The following GADL1 variants were observed in gnomAD, a reference collection of about 807,000 sequenced individuals.
GADL1 encodes GAD like acidic amino acid decarboxylase 1, also known as acidic amino acid decarboxylase GADL1.
A neutral mutation model predicts 69.5 loss-of-function variants in GADL1; 71 were observed. That is an observed-to-expected ratio of 1.02 (90% CI 0.84 to 1.25). The LOEUF is 1.25. GADL1 is among the 50% of genes most tolerant of loss of function. GADL1 has a pLI of 0.00. For missense variants in GADL1, 737 were observed against 631.8 expected (o/e 1.17, Z -1.79); for synonymous variants, 254 against 214.4 (o/e 1.18, Z -1.62).
At chr3:30,756,756 AAC>A (rs1340780331) in intron 14 of GADL1, among the ~76,000 whole-genome samples, 2 of 152,164 alleles carry the variant, frequency 1.3e-5, no homozygotes, top group African/African-American at 2.4e-5. Context: ...TTCAGCAGCA[AAC>A]ACAGCCAAGA....
At chr3:30,804,505 A>G (rs947226074) in intron 11 of GADL1, among the ~76,000 whole-genome samples, 2 of 152,190 alleles carry the variant, frequency 1.3e-5, no homozygotes, top group Non-Finnish European at 2.9e-5. Context: ...CTTGCTAGTC[A>G]GTTTGGAAAG....
At chr3:30,814,489 C>G (rs1697423389) in intron 11 of GADL1, among the ~76,000 whole-genome samples, 2 of 152,100 alleles carry the variant, frequency 1.3e-5, no homozygotes, top group African/African-American at 4.8e-5. Context: ...CTATCACAAC[C>G]ACTGAACTCT....
chr3:30,782,400 T>C (rs1696685828), intron 13 of GADL1, among the ~76,000 whole-genome samples: 1 of 152,136 alleles, frequency 6.6e-6, no homozygotes, highest in South Asian at 2.1e-4. Flanking sequence ...ATTCAAGATA[T>C]ACTTAGCGGG....
chr3:30,835,290 T>TTAGGCAATAGGTAAGTTCAGG (rs1697856033), intron 9 of GADL1, among the ~76,000 whole-genome samples: 1 of 152,046 alleles, frequency 6.6e-6, no homozygotes, highest in Non-Finnish European at 1.5e-5. Context: ...CAGAGATGCT[T>TTAGGCAATAGGTAAGTTCAGG]TAGGCAATAG....
rs540080373 is a variant in GADL1, at chr3:30,874,427, T to G, written c.38-12662A>C. ...GGGTTATTCCTCAGCTGAAACTCAC[T>G]GAGAGATGGGTTTGGAACCATCTAG... is the stretch of plus-strand genomic sequence containing the variant. On this transcript the variant is annotated intron_variant, in intron 1 of 14. Coordinates refer to ENST00000282538, the MANE Select transcript of GADL1 (RefSeq NM_207359.3). 3.9e-5 allele frequency among the ~76,000 whole-genome samples: 6 copies of G among 152,078 alleles called. No homozygotes were observed. The East Asian group carries it at 1.2e-3, about 30-fold the overall frequency.
At chr3:30,840,171 G>A (rs1349865358) in intron 8 of GADL1, among the ~76,000 whole-genome samples, 3 of 152,068 alleles carry the variant, frequency 2.0e-5, no homozygotes, top group Non-Finnish European at 4.4e-5. Flanking sequence ...TTTATAAAGT[G>A]CATGCTCATT....
chr3:30,856,445 C>A (rs1377133468), intron 3 of GADL1, among the ~76,000 whole-genome samples: 2 of 152,002 alleles, frequency 1.3e-5, no homozygotes, highest in African/African-American at 4.8e-5. Context: ...GTGAAATAAT[C>A]TCATCAAAAA....
Position 30,854,719 on chromosome 3 carries a change from G to C in GADL1, c.408C>G (p.Thr136=). Residue 136 remains threonine, a synonymous_variant, in exon 4 of 15, where the codon ACC becomes ACG. Transcript: ENST00000282538. The part of the protein sequence containing the change: ...DYYSLVARFM[T]EALNPSVYTY... ...CTTACACACTTGGATTCAATGCTTCGGTCATAAATCGGGCCACCAAGGAGT... is the reference window on the plus strand; with the variant it reads ...CTTACACACTTGGATTCAATGCTTCCGTCATAAATCGGGCCACCAAGGAGT... 1 of 1,547,908 alleles carries C rather than the reference G, an allele frequency of 6.5e-7. No individual in the cohort carries two copies. Among genetic ancestry groups the C allele is most frequent in the Non-Finnish European group, 8.7e-7 (1 of 1,144,034 alleles).
At chr3:30,807,443 A>G (rs1439935052) in intron 11 of GADL1, among the ~76,000 whole-genome samples, 1 of 152,244 alleles carries the variant, frequency 6.6e-6, no homozygotes, top group Non-Finnish European at 1.5e-5. Flanking sequence ...TCAATGCTCT[A>G]CATCCTTCAA....
rs1413546233 is a variant in GADL1, at chr3:30,780,571, A to G, written c.1303-2303T>C. Among the ~76,000 whole-genome samples the G allele has an allele frequency of 2.0e-5, 3 of 152,158 alleles. No individual in the cohort carries two copies. The East Asian group carries it at 5.8e-4, about 29-fold the overall frequency. ...AGTTCTTGTCTTCTGAGTGGACTCT[A>G]ATATGTCACCAAATTTGTTATTCCC... On this transcript the variant is annotated intron_variant, in intron 13 of 14. Transcript: ENST00000282538.
intron 14 of GADL1, among the ~76,000 whole-genome samples, chr3:30,757,333 A>AG (rs1211999616): frequency 6.6e-6 from 1 of 152,208 alleles, no homozygotes; most frequent in Non-Finnish European, 1.5e-5. Context: ...AAAGGCAGGA[A>AG]GGGATTAGTT....
chr3:30,811,586 C>T (rs1373473371), intron 11 of GADL1, among the ~76,000 whole-genome samples: 4 of 152,086 alleles, frequency 2.6e-5, no homozygotes, highest in East Asian at 3.8e-4. Context: ...ACACAGTATC[C>T]GCCCTACCAC....
intron 11 of GADL1, among the ~76,000 whole-genome samples, chr3:30,828,831 A>AG (rs1271934586): frequency 2.6e-5 from 4 of 151,930 alleles, no homozygotes; most frequent in African/African-American, 9.7e-5. Flanking sequence ...ATGCTTTTGA[A>AG]GAAAGATTAG....
At chr3:30,765,606 G>T (rs1019013065) in intron 14 of GADL1, among the ~76,000 whole-genome samples, 1 of 152,198 alleles carries the variant, frequency 6.6e-6, no homozygotes, top group South Asian at 2.1e-4. Context: ...CCTCAGAAGG[G>T]CATGCTTGGT....
chr3:30,836,100 C>A (rs2125524809), intron 9 of GADL1, among the ~76,000 whole-genome samples: 1 of 152,052 alleles, frequency 6.6e-6, no homozygotes, highest in Middle Eastern at 3.4e-3. Flanking sequence ...TCTCTTATCC[C>A]CCAACCTCTC....
intron 12 of GADL1, 39 bp from the exon 13 acceptor site, chr3:30,786,445 T>A: frequency 9.6e-7 from 1 of 1,043,860 alleles, no homozygotes; most frequent in Admixed American, 1.7e-5. Context: ...TAATCTGCAA[T>A]GTAAAAGTGT....
At chr3:30,849,577 ATCTT>A (rs1421734386) in intron 6 of GADL1, among the ~76,000 whole-genome samples, 1 of 152,136 alleles carries the variant, frequency 6.6e-6, no homozygotes, top group East Asian at 1.9e-4. Context: ...GTTACTGTAT[ATCTT>A]TCTTTTCCCT....
chr3:30,748,199 G>A (rs983939577), intron 14 of GADL1, among the ~76,000 whole-genome samples: 1 of 152,170 alleles, frequency 6.6e-6, no homozygotes, highest in Non-Finnish European at 1.5e-5. Context: ...ACACCATCTA[G>A]TGAAGGATAT....
intron 14 of GADL1, among the ~76,000 whole-genome samples, chr3:30,768,453 T>A (rs979619035): frequency 5.3e-5 from 8 of 151,448 alleles, no homozygotes; most frequent in Non-Finnish European, 1.2e-4. Context: ...TAAGGAAAAA[T>A]TGTCATTTAT....
Sources: gnomAD v4.1 joint callset for allele counts (sites outside exome capture counted in the v4.1 genomes callset) on GRCh38, gnomAD v4.1.1 for gene constraint, MANE v1.5 for transcripts, NCBI Gene and HGNC (gene_info 2026-07-23, HGNC 2026-07-21) for gene names.